SORL1: variants seen among roughly 807,000 people sequenced by gnomAD.
SORL1 encodes the protein sortilin related receptor 1.
A neutral mutation model predicts 273.7 loss-of-function variants in SORL1; 127 were observed. The observed-to-expected ratio is 0.46, with a 90% confidence interval of 0.40 to 0.54. The LOEUF (loss-of-function observed/expected upper bound fraction) is 0.54, where lower values mean the gene tolerates loss of function less well. Among genes scored for constraint, SORL1 ranks in the 20% least tolerant of loss-of-function variants. The pLI is 0.00. For missense variants in SORL1, 2,494 were observed against 2,846.1 expected (o/e 0.88, Z 2.81); for synonymous variants, 1,031 against 1,067.4 (o/e 0.97, Z 0.66).
rs1324587093 is a variant in SORL1, at chr11:121,633,368, A to G, written c.*3805A>G. ...ATAAGCATGAATGCTGGAGTGGACC[A>G]TTATCCTCAAATATTCTATGTCACT... On this transcript the variant is annotated 3_prime_UTR_variant, in exon 48 of 48. Coordinates refer to ENST00000260197, the MANE Select transcript of SORL1 (RefSeq NM_003105.6). 2 of 152,230 alleles carry G rather than the reference A, an allele frequency of 1.3e-5. No homozygotes were observed. Among genetic ancestry groups the G allele is most frequent in the Non-Finnish European group, 2.9e-5 (2 of 68,038 alleles). The allele number at this position is 152,230 out of a possible 1,614,324, so 9.4% of individuals were successfully genotyped here.
At chr11:121,547,296 T>TA (rs376736446) in intron 14 of SORL1, among the ~76,000 whole-genome samples, 1 of 147,288 alleles carries the variant, frequency 6.8e-6, no homozygotes, top group Non-Finnish European at 1.5e-5. Context: ...TAAGACTAAG[T>TA]AAAAAATAGG....
rs116846028 is a variant in SORL1, at chr11:121,595,311, C to T, written c.4370-312C>T. Reference sequence around the variant, plus strand: ...TCTCCTGTGACGGCTTAGGGTAGGACGCAGCCTTCGCTGGCCTCTTTAGTC... The same window carrying T: ...TCTCCTGTGACGGCTTAGGGTAGGATGCAGCCTTCGCTGGCCTCTTTAGTC... On this transcript the variant is annotated intron_variant, in intron 31 of 47. Transcript: ENST00000260197. This position sits in a 1 kb window ranked among gnomAD's most constrained non-coding sequence, Gnocchi z 5.1. Among the ~76,000 whole-genome samples, 2,743 of 152,302 alleles carry T rather than the reference C, an allele frequency of 0.018. 52 individuals are homozygous for T. The highest frequency in any genetic ancestry group is 0.061 in the South Asian group (294 of 4,832).
chr11:121,520,486 C>A lies in SORL1; in HGVS notation c.1212-171C>A, dbSNP rs1056077750. Among the ~76,000 whole-genome samples, 138 of 152,126 alleles carry A rather than the reference C, an allele frequency of 9.1e-4. 2 individuals are homozygous for A. Among genetic ancestry groups the A allele is most frequent in the Non-Finnish European group, 1.5e-4 (10 of 67,996 alleles). Reference sequence around the variant, plus strand: ...TGACTGCCAGTGGGTATGAGGTTTCCTTTTGGAATGATGAAATGTTCTGGA... The same window carrying A: ...TGACTGCCAGTGGGTATGAGGTTTCATTTTGGAATGATGAAATGTTCTGGA... On this transcript the variant is annotated intron_variant, in intron 8 of 47. Transcript: ENST00000260197.
Position 121,621,134 on chromosome 11 carries a change from G to T in SORL1, c.5960G>T (p.Ser1987Ile). The T allele has an allele frequency of 6.2e-7, 1 of 1,613,896 alleles. No individual in the cohort carries two copies. Among genetic ancestry groups the T allele is most frequent in the Non-Finnish European group, 8.5e-7 (1 of 1,179,774 alleles). ...DRSYKVKSRN[S>I]TVEYTLNKLE... ...AGCTACAAAGTAAAATCCCGTAACA[G>T]CACTGTGGAATACACCCTTAACAAG... The change falls in exon 44 of 48, where the codon AGC becomes ATC. Residue 1987 changes from serine (S) to isoleucine (I), a missense_variant. Physicochemically the swap from Ser to Ile is moderately radical, Grantham distance 142 (BLOSUM62 -2). Transcript: ENST00000260197.
chr11:121,616,443 C>T (rs570849911), intron 41 of SORL1, among the ~76,000 whole-genome samples: 41 of 152,298 alleles, frequency 2.7e-4, no homozygotes, highest in African/African-American at 8.2e-4. Context: ...ATGTGGGGAA[C>T]CTCTCATCCC....
At chr11:121,619,992 C>G in intron 43 of SORL1, 75 bp downstream of exon 43, 1 of 1,194,294 alleles carries the variant, frequency 8.4e-7, no homozygotes, top group East Asian at 2.3e-5. Context: ...GAAGGGGATC[C>G]TCTAATGGGG....
intron 4 of SORL1, among the ~76,000 whole-genome samples, chr11:121,489,241 G>C (rs1348275494): frequency 6.6e-6 from 1 of 152,086 alleles, no homozygotes; most frequent in African/African-American, 2.4e-5. Context: ...TACTCATAAC[G>C]TACAATTTGC....
At chr11:121,574,900 G>T (rs1862904992) in intron 24 of SORL1, among the ~76,000 whole-genome samples, 2 of 152,072 alleles carry the variant, frequency 1.3e-5, no homozygotes. Context: ...TGTCTCAGTG[G>T]GTGTGAGATT....
Position 121,604,215 on chromosome 11 carries a change from C to G in SORL1, c.4542C>G (p.Cys1514Trp). Residue 1514 changes from cysteine to tryptophan, a missense_variant, in exon 33 of 48, where the codon TGC (cysteine) becomes TGG (tryptophan). Cys to Trp is a radical substitution (Grantham distance 215, BLOSUM62 -2). Coordinates refer to ENST00000260197, the MANE Select transcript of SORL1 (RefSeq NM_003105.6). Reference protein sequence around the residue: ...ANCPTHSTLTCMSREFQCEDG... With the variant: ...ANCPTHSTLTWMSREFQCEDG... ...CAGCCACACACAGCACCTTGACTTG[C>G]ATGAGCAGGGAGTTCCAGTGCGAGG... The G allele has an allele frequency of 6.2e-7, 1 of 1,614,164 alleles. No homozygotes were observed. Among genetic ancestry groups the G allele is most frequent in the Non-Finnish European group, 8.5e-7 (1 of 1,180,030 alleles).
At chr11:121,490,196 C>A in intron 5 of SORL1, 86 bp downstream of exon 5, 1 of 854,976 alleles carries the variant, frequency 1.2e-6, no homozygotes, top group East Asian at 2.5e-5. Context: ...ACTGCCCTCC[C>A]CTGAAATGTC....
chr11:121,600,604 GT>G (rs1468002615), intron 32 of SORL1, among the ~76,000 whole-genome samples: 2 of 152,232 alleles, frequency 1.3e-5, no homozygotes, highest in Non-Finnish European at 2.9e-5. Context: ...TTAAATCAGT[GT>G]TTTCAGCCTG....
rs763553744 is a variant in SORL1 at position 121,612,791 on chromosome 11, G to A, written c.5378G>A (p.Arg1793Lys). The A allele has an allele frequency of 6.8e-6, 11 of 1,614,118 alleles. No individual in the cohort carries two copies. The highest frequency in any genetic ancestry group is 2.2e-5 in the East Asian group (1 of 44,888). The change falls in exon 40 of 48, where the codon AGG becomes AAG. Residue 1793 changes from arginine (R) to lysine (K), a missense_variant. Arg to Lys is a conservative substitution (Grantham distance 26). Around this residue, in one of 3 missense-constraint regions of SORL1, gnomAD observed 1,609 missense variants for 1,816.4 expected, o/e 0.89. Coordinates refer to ENST00000260197, the MANE Select transcript of SORL1 (RefSeq NM_003105.6). ...FWAFDTHKQE[R>K]RTLNFRGSIL... The stretch of plus-strand genomic sequence containing the variant: ...GCATTTGACACCCACAAGCAAGAGA[G>A]GAGAACTTTGAACTTCCGAGGAAGC...
intron 23 of SORL1, among the ~76,000 whole-genome samples, chr11:121,572,481 C>T (rs191175258): frequency 1.7e-4 from 26 of 152,142 alleles, no homozygotes; most frequent in Admixed American, 1.3e-3. Context: ...GGAGCTGAGG[C>T]GTGGAGAGGA....
chr11:121,611,349 A>C (rs1357730001), intron 39 of SORL1, 191 bp downstream of exon 39: 1 of 492,548 alleles, frequency 2.0e-6, no homozygotes, highest in Non-Finnish European at 3.6e-6. Flanking sequence ...TTGAGTCTTC[A>C]CATGTAATTA....
intron 1 of SORL1, among the ~76,000 whole-genome samples, chr11:121,454,121 AC>A (rs1860862445): frequency 6.6e-6 from 1 of 152,220 alleles, no homozygotes; most frequent in Non-Finnish European, 1.5e-5. Flanking sequence ...ATGTGTATGA[AC>A]AAAAAGAAGT....
intron 13 of SORL1, among the ~76,000 whole-genome samples, chr11:121,544,542 G>T (rs1218943932): frequency 6.6e-6 from 1 of 152,198 alleles, no homozygotes; most frequent in Non-Finnish European, 1.5e-5. Context: ...CTAACAGTCT[G>T]TAGGAGTTTA....
At chr11:121,602,512 C>G (rs1863409299) in intron 32 of SORL1, among the ~76,000 whole-genome samples, 1 of 152,304 alleles carries the variant, frequency 6.6e-6, no homozygotes, top group African/African-American at 2.4e-5. Flanking sequence ...ATCCCTGGAT[C>G]CTTTATCCAT....
At chr11:121,589,462 C>G in intron 29 of SORL1, 72 bp downstream of exon 29, 1 of 1,576,874 alleles carries the variant, frequency 6.3e-7, no homozygotes, top group Non-Finnish European at 8.7e-7. Context: ...TACAGGGACA[C>G]TCACCGGCAA....
At position 121,627,738 on chromosome 11, in the gene SORL1, C is replaced by T. The variant is rs1863818030; in HGVS notation, c.6548C>T (p.Ser2183Phe). 1 of 1,613,854 alleles carries T rather than the reference C, an allele frequency of 6.2e-7. No homozygotes were observed. Among genetic ancestry groups the T allele is most frequent in the Admixed American group, 1.7e-5 (1 of 60,010 alleles). ...ANSHYSSRLG[S>F]AIFSSGDDLG... ...AGCCACTACAGCTCCAGGCTGGGGTCCGCAATCTTCTCCTCTGGGGATGAC... is the reference window on the plus strand; with the variant it reads ...AGCCACTACAGCTCCAGGCTGGGGTTCGCAATCTTCTCCTCTGGGGATGAC... The change falls in exon 47 of 48, where the codon TCC becomes TTC. Residue 2183 changes from serine to phenylalanine, a missense_variant. Coordinates refer to ENST00000260197, the MANE Select transcript of SORL1 (RefSeq NM_003105.6). This position sits in a 1 kb window ranked among gnomAD's most constrained non-coding sequence, Gnocchi z 4.9.
Sources: allele counts gnomAD v4.1 joint callset (sites outside exome capture counted in the v4.1 genomes callset), GRCh38; gene constraint gnomAD v4.1.1; regional missense constraint gnomAD v4.1.1; non-coding constraint Gnocchi (gnomAD v3.1); transcripts MANE v1.5; gene names NCBI Gene and HGNC (gene_info 2026-07-23, HGNC 2026-07-21).